RCHY1: variants seen among roughly 807,000 people sequenced by gnomAD.
RCHY1 encodes the protein ring finger and CHY zinc finger domain containing 1.
Under a neutral mutation model 41.6 loss-of-function variants are expected in RCHY1, and 21 were observed. The ratio of observed to expected loss-of-function variants is 0.51; its 90% CI spans 0.36 to 0.73. The LOEUF is 0.73. Among genes scored for constraint, RCHY1 ranks in the 30% least tolerant of loss-of-function variants. The pLI is 0.00. For missense variants in RCHY1, 265 were observed against 325.3 expected, an observed-to-expected ratio of 0.81 and a Z score of 1.43; for synonymous variants, 79 against 102.9, an observed-to-expected ratio of 0.77 and a Z score of 1.41.
rs1578240829 is a variant in RCHY1, at chr4:75,509,311, G to T, written c.91-15C>A. ...CAGCAAGGTGCCTAACACCCACGGA[G>T]AAAAAAGAGATATAGTAAGAAGCAA... is the stretch of plus-strand genomic sequence containing the variant. On this transcript the variant is annotated splice_polypyrimidine_tract_variant and intron_variant, in intron 1 of 8. Transcript: ENST00000324439. The T allele has an allele frequency of 6.2e-7, 1 of 1,600,614 alleles. No homozygotes were observed. Among genetic ancestry groups the T allele is most frequent in the Non-Finnish European group, 8.5e-7 (1 of 1,175,564 alleles).
Position 75,481,500 on chromosome 4 carries a change from T to C in RCHY1, c.*1038A>G, listed in dbSNP as rs1024072681. 8 of 152,206 alleles carry C rather than the reference T, an allele frequency of 5.3e-5. No individual in the cohort carries two copies. The highest frequency in any genetic ancestry group is 1.7e-4 in the African/African-American group (7 of 41,474). 9.4% of individuals were successfully genotyped at this position (152,206 alleles called of 1,614,324 possible). Reference sequence around the variant, plus strand: ...ACTACATGAGCCCAAAAAAGTATTATGAAATCAGAGATCTTGCCAGGAATA... The same window carrying C: ...ACTACATGAGCCCAAAAAAGTATTACGAAATCAGAGATCTTGCCAGGAATA... On this transcript the variant is annotated 3_prime_UTR_variant, in exon 9 of 9. Coordinates refer to ENST00000324439, the MANE Select transcript of RCHY1 (RefSeq NM_015436.4).
intron 3 of RCHY1, among the ~76,000 whole-genome samples, chr4:75,503,753 A>C (rs571143235): frequency 6.6e-6 from 1 of 152,254 alleles, no homozygotes; most frequent in East Asian, 1.9e-4. Context: ...ATTTATTAGG[A>C]AGGACTTCAA....
intron 3 of RCHY1, among the ~76,000 whole-genome samples, chr4:75,507,427 G>A (rs1039655721): frequency 1.3e-5 from 2 of 151,792 alleles, no homozygotes; most frequent in African/African-American, 4.8e-5. Context: ...AAGAAGACAA[G>A]AAAGGAGAGG....
chr4:75,504,604 T>C (rs755923774), intron 3 of RCHY1, among the ~76,000 whole-genome samples: 15 of 152,210 alleles, frequency 9.9e-5, no homozygotes, highest in Non-Finnish European at 1.8e-4. Flanking sequence ...AGTTAAGTTG[T>C]GGGGAGTTGA....
intron 3 of RCHY1, among the ~76,000 whole-genome samples, chr4:75,496,953 A>T (rs1723263649): frequency 6.6e-6 from 1 of 152,124 alleles, no homozygotes; most frequent in Non-Finnish European, 1.5e-5. Flanking sequence ...AAAAGTTATT[A>T]TAACTGTATA....
chr4:75,483,944 C>T (rs34389833), intron 8 of RCHY1, among the ~76,000 whole-genome samples: 12,211 of 151,918 alleles, frequency 0.08, 664 homozygotes, highest in Non-Finnish European at 0.12. Context: ...CTTAATTAAA[C>T]GAAAAAAGAT....
intron 3 of RCHY1, among the ~76,000 whole-genome samples, chr4:75,498,599 C>T (rs978313227): frequency 3.3e-5 from 5 of 151,614 alleles, no homozygotes; most frequent in Non-Finnish European, 5.9e-5. Context: ...ACAAGTAGAC[C>T]AATTATGCAG....
intron 3 of RCHY1, among the ~76,000 whole-genome samples, chr4:75,506,278 T>C (rs2148767342): frequency 1.3e-5 from 2 of 151,462 alleles, no homozygotes; most frequent in Admixed American, 1.3e-4. Flanking sequence ...AATTTTTACA[T>C]ATTATGTCCA....
At chr4:75,487,280 G>T (rs112229643) in intron 8 of RCHY1, among the ~76,000 whole-genome samples, 4 of 141,450 alleles carry the variant, frequency 2.8e-5, no homozygotes, top group African/African-American at 1.1e-4. Context: ...GTTTACTTTT[G>T]GGTAAATTTC....
intron 3 of RCHY1, 116 bp from the exon 4 acceptor site, chr4:75,494,295 G>GAAT: frequency 1.5e-6 from 1 of 687,522 alleles, no homozygotes; most frequent in Non-Finnish European, 2.5e-6. Context: ...CCACAATGGA[G>GAAT]AATATGGGAT....
Position 75,486,474 on chromosome 4 carries a change from A to C in RCHY1, c.658-3808T>G, listed in dbSNP as rs1722014388. On this transcript the variant is annotated intron_variant, in intron 8 of 8. Transcript: ENST00000324439. The stretch of plus-strand genomic sequence containing the variant: ...AATATATTTAGATATCTTAATAAAT[A>C]ATAATTTAAGGAAACATCCTTCCAA... Among the ~76,000 whole-genome samples, 3 of 151,910 alleles carry C rather than the reference A, an allele frequency of 2.0e-5. No homozygotes were observed. The South Asian group carries it at 6.2e-4, about 31-fold the overall frequency.
At chr4:75,487,209 T>C (rs1180397810) in intron 8 of RCHY1, among the ~76,000 whole-genome samples, 1 of 151,790 alleles carries the variant, frequency 6.6e-6, no homozygotes, top group Non-Finnish European at 1.5e-5. Flanking sequence ...AAAAGTAAAA[T>C]CTGGTTTTCT....
Position 75,491,728 on chromosome 4 carries a change from G to GT in RCHY1, c.504dup (p.His169ThrfsTer2). The GT allele has an allele frequency of 3.1e-6, 5 of 1,612,306 alleles. No individual in the cohort carries two copies. Among genetic ancestry groups the GT allele is most frequent in the Non-Finnish European group, 4.2e-6 (5 of 1,178,788 alleles). ...GAGAAAAAGATGTTACTTTACCTATGTAAAAGATGTCCACATGGCAAGACA... is the reference window on the plus strand; with the variant it reads ...GAGAAAAAGATGTTACTTTACCTATGTTAAAAGATGTCCACATGGCAAGACA... On this transcript the variant is annotated frameshift_variant, in exon 6 of 9. Coordinates refer to ENST00000324439, the MANE Select transcript of RCHY1 (RefSeq NM_015436.4). LOFTEE classifies it high-confidence loss of function.
At chr4:75,511,628 T>C (rs559842096) in intron 1 of RCHY1, among the ~76,000 whole-genome samples, 30 of 152,284 alleles carry the variant, frequency 2.0e-4, no homozygotes, top group Admixed American at 5.9e-4. Context: ...AAAAGATATA[T>C]TCAAGGGTTG....
At position 75,492,369 on chromosome 4, in the gene RCHY1, G is replaced by C. The variant is rs1233159067; in HGVS notation, c.406-436C>G. The stretch of plus-strand genomic sequence containing the variant: ...TTTACTACATGCCATGTTCAGCACA[G>C]TACCTGTATAAGATCAATTAAATCT... On this transcript the variant is annotated intron_variant, in intron 4 of 8. Transcript: ENST00000324439. Among the ~76,000 whole-genome samples the C allele has an allele frequency of 6.6e-5, 10 of 152,046 alleles. No individual in the cohort carries two copies. In the East Asian group the frequency reaches 1.7e-3, roughly 26 times the overall value.
chr4:75,514,205 G>A lies in RCHY1; in HGVS notation c.82C>T (p.Leu28Phe). 6.2e-7 allele frequency: 1 copy of A among 1,612,334 alleles called. No homozygotes were observed. Among genetic ancestry groups the A allele is most frequent in the Non-Finnish European group, 8.5e-7 (1 of 1,178,508 alleles). Residue 28 changes from leucine (L) to phenylalanine (F), a missense_variant, in exon 1 of 9, where the codon CTC becomes TTC. Physicochemically the swap from Leu to Phe is conservative, Grantham distance 22 (BLOSUM62 0). Coordinates refer to ENST00000324439, the MANE Select transcript of RCHY1 (RefSeq NM_015436.4). ...TCCATAGAAGGCGTCACCTTTAGGAGACATCCTCTGTCATAGTGCTCGCAG... is the reference window on the plus strand; with the variant it reads ...TCCATAGAAGGCGTCACCTTTAGGAAACATCCTCTGTCATAGTGCTCGCAG... ...RGCEHYDRGC[L>F]LKAPCCDKLY...
intron 8 of RCHY1, among the ~76,000 whole-genome samples, chr4:75,486,956 G>C (rs191131184): frequency 6.6e-6 from 1 of 152,102 alleles, no homozygotes; most frequent in African/African-American, 2.4e-5. Context: ...TCCAGCCTGG[G>C]TGACAGAGAA....
At chr4:75,483,483 T>G (rs544895270) in intron 8 of RCHY1, among the ~76,000 whole-genome samples, 2 of 152,142 alleles carry the variant, frequency 1.3e-5, no homozygotes, top group East Asian at 3.8e-4. Context: ...GTTTCCTTTT[T>G]GGGATGATAA....
At chr4:75,510,677 C>T (rs1724776596) in intron 1 of RCHY1, among the ~76,000 whole-genome samples, 2 of 152,148 alleles carry the variant, frequency 1.3e-5, no homozygotes, top group Non-Finnish European at 1.5e-5. Flanking sequence ...TTTAAAATTA[C>T]TGAGAATCCC....
Sources: gnomAD v4.1 joint callset for allele counts (sites outside exome capture counted in the v4.1 genomes callset) on GRCh38, gnomAD v4.1.1 for gene constraint, MANE v1.5 for transcripts, NCBI Gene and HGNC (gene_info 2026-07-23, HGNC 2026-07-21) for gene names.